RBM14: variants seen among roughly 807,000 people sequenced by gnomAD.
RBM14 encodes RNA-binding protein 14.
A neutral mutation model predicts 52.8 loss-of-function variants in RBM14; 5 were observed. The observed-to-expected ratio is 0.09, with a 90% confidence interval of 0.05 to 0.20. RBM14 has a LOEUF of 0.20. RBM14 is among the 10% of genes least tolerant of loss of function. The pLI, the probability that RBM14 is intolerant of heterozygous loss-of-function variation, is 1.00. For synonymous variants in RBM14, 411 were observed against 401.8 expected, an observed-to-expected ratio of 1.02 and a Z score of -0.28; for missense variants, 780 against 926.6, an observed-to-expected ratio of 0.84 and a Z score of 2.05.
intron 1 of RBM14, 189 bp downstream of exon 1, chr11:66,617,246 C>G: frequency 7.1e-7 from 1 of 1,399,326 alleles, no homozygotes. Flanking sequence ...AACCGTCCAC[C>G]AAGTAGGAGG....
chr11:66,624,558 G>T lies in RBM14; in HGVS notation c.682G>T (p.Ala228Ser). ...TTCACCTCCCCGAGCCTCTTATGTG[G>T]CTCCTCTGACGGCCCAGCCAGCTAC... ...RRSPPRASYVAPLTAQPATYR... is the reference protein window; with the variant it reads ...RRSPPRASYVSPLTAQPATYR... Residue 228 changes from alanine to serine, a missense_variant, in exon 2 of 3, where the codon GCT (alanine) becomes TCT (serine). Around this residue, in one of 4 missense-constraint regions of RBM14, gnomAD observed 675 missense variants for 697.3 expected, o/e 0.97. Coordinates refer to ENST00000310137, the MANE Select transcript of RBM14 (RefSeq NM_006328.4). This position sits in a 1 kb window ranked among gnomAD's most constrained non-coding sequence, Gnocchi z 4.7. 1 of 1,612,766 alleles carries T rather than the reference G, an allele frequency of 6.2e-7. No homozygotes were observed. Among genetic ancestry groups the T allele is most frequent in the Non-Finnish European group, 8.5e-7 (1 of 1,180,006 alleles).
chr11:66,616,972 C>T lies in RBM14; in HGVS notation c.252C>T (p.Gly84=). ...RPLNTWKIFV[G]NVSAACTSQE... ...TTAATACTTGGAAGATTTTCGTGGG[C>T]AATGTGTCGGCTGCATGCACGAGCC... Residue 84 remains glycine, a synonymous_variant, in exon 1 of 3, where the codon GGC becomes GGT. Transcript: ENST00000310137. 6.2e-7 allele frequency: 1 copy of T among 1,612,488 alleles called. No homozygotes were observed.
Position 66,624,803 on chromosome 11 carries a change from G to A in RBM14, c.927G>A (p.Gln309=). The change falls in exon 2 of 3, where the codon CAG becomes CAA. Residue 309 remains glutamine (Q), a synonymous_variant. Transcript: ENST00000310137. This position sits in a 1 kb window ranked among gnomAD's most constrained non-coding sequence, Gnocchi z 4.7. ...CACTCGGCCCATATGGTGGAGCCCA[G>A]CCCTCAGCCTCGGCCCTTTCCTCCT... The part of the protein sequence containing the change: ...ASSLGPYGGA[Q]PSASALSSYG... The A allele has an allele frequency of 1.2e-6, 2 of 1,614,080 alleles. No individual in the cohort carries two copies. Among genetic ancestry groups the A allele is most frequent in the Non-Finnish European group, 1.7e-6 (2 of 1,179,984 alleles).
At position 66,628,180 on chromosome 11, in the gene RBM14, AAAT is replaced by A. The variant is rs1177717327; in HGVS notation, c.*1514_*1516del. On this transcript the variant is annotated 3_prime_UTR_variant, in exon 3 of 3. Transcript: ENST00000310137. ...GCTGGGGATCGAGGATCTGGGCAAA[AAAT>A]ATGACATTTCCAACCAGGGACAAAA... 6.6e-6 allele frequency among the ~76,000 whole-genome samples: 1 copy of A among 152,084 alleles called. No individual in the cohort carries two copies. The highest frequency in any genetic ancestry group is 1.5e-5 in the Non-Finnish European group (1 of 68,020).
At position 66,625,025 on chromosome 11, in the gene RBM14, C is replaced by G. The variant is rs772129147; in HGVS notation, c.1149C>G (p.Ser383=). 8 of 1,613,696 alleles carry G rather than the reference C, an allele frequency of 5.0e-6. No homozygotes were observed. In the Admixed American group the frequency reaches 1.3e-4, roughly 27 times the overall value. ...GCTCCTACGGGGCTCAGGCAGCCTC[C>G]TATGGGGCCCAGTCTGCAGCCTCCT... ...SLGSYGAQAA[S]YGAQSAASSL... is the part of the protein sequence containing the mutation. Residue 383 remains serine, a synonymous_variant, in exon 2 of 3, where the codon TCC becomes TCG. Coordinates refer to ENST00000310137, the MANE Select transcript of RBM14 (RefSeq NM_006328.4). The surrounding 1 kb of genome is among the most constrained non-coding windows in gnomAD (Gnocchi z 4.2).
At chr11:66,622,401 T>C (rs1012549794) in intron 1 of RBM14, among the ~76,000 whole-genome samples, 1 of 151,940 alleles carries the variant, frequency 6.6e-6, no homozygotes, top group African/African-American at 2.4e-5. Flanking sequence ...ACCTAGCTAA[T>C]TTTTGTATTT....
At chr11:66,621,154 A>T (rs760822401) in intron 1 of RBM14, among the ~76,000 whole-genome samples, 7 of 151,660 alleles carry the variant, frequency 4.6e-5, no homozygotes, top group Non-Finnish European at 1.0e-4. Flanking sequence ...TACAGGAGGG[A>T]GCCACCATTC....
Position 66,625,449 on chromosome 11 carries a change from G to A in RBM14, c.1573G>A (p.Ala525Thr), listed in dbSNP as rs766244932. ...CCGCACTCAGTCATCAGCCTCATTGGCTGCTTCCTATGCTGCCCAGCAGCA... is the reference window on the plus strand; with the variant it reads ...CCGCACTCAGTCATCAGCCTCATTGACTGCTTCCTATGCTGCCCAGCAGCA... ...PYRTQSSASL[A>T]ASYAAQQHPQ... The change falls in exon 2 of 3, where the codon GCT becomes ACT. Residue 525 changes from alanine to threonine, a missense_variant. Around this residue, in one of 4 missense-constraint regions of RBM14, gnomAD observed 675 missense variants for 697.3 expected, o/e 0.97. Coordinates refer to ENST00000310137, the MANE Select transcript of RBM14 (RefSeq NM_006328.4). This position sits in a 1 kb window ranked among gnomAD's most constrained non-coding sequence, Gnocchi z 4.2. The A allele has an allele frequency of 3.6e-5, 58 of 1,613,400 alleles. No individual in the cohort carries two copies. Among genetic ancestry groups the A allele is most frequent in the Non-Finnish European group, 4.6e-5 (54 of 1,179,918 alleles).
intron 1 of RBM14, among the ~76,000 whole-genome samples, chr11:66,623,310 A>G (rs1232519297): frequency 6.6e-6 from 1 of 152,244 alleles, no homozygotes. Context: ...GAACTCAGCC[A>G]GTGGGCTTAG....
At chr11:66,623,537 C>T (rs1342112070) in intron 1 of RBM14, among the ~76,000 whole-genome samples, 1 of 152,192 alleles carries the variant, frequency 6.6e-6, no homozygotes, top group Non-Finnish European at 1.5e-5. Flanking sequence ...TGTATGTCCA[C>T]CTGTTAAATG....
chr11:66,626,473 C>T lies in RBM14; in HGVS notation c.1815C>T (p.Asp605=). The T allele has an allele frequency of 3.7e-6, 6 of 1,613,268 alleles. No individual in the cohort carries two copies. The highest frequency in any genetic ancestry group is 5.1e-6 in the Non-Finnish European group (6 of 1,179,756). Reference sequence around the variant, plus strand: ...TTCTCTCGACTAGGTATGGTTCCGACCGGCGTTTAGCCGAGCTCTCTGATT... The same window carrying T: ...TTCTCTCGACTAGGTATGGTTCCGATCGGCGTTTAGCCGAGCTCTCTGATT... The part of the protein sequence containing the change: ...AVAMSKRYGS[D]RRLAELSDYR... The change falls in exon 3 of 3, where the codon GAC becomes GAT. Residue 605 remains aspartate (D), a synonymous_variant. Transcript: ENST00000310137.
intron 1 of RBM14, among the ~76,000 whole-genome samples, chr11:66,623,746 C>G (rs1023023987): frequency 6.6e-6 from 1 of 152,164 alleles, no homozygotes; most frequent in Admixed American, 6.5e-5. Flanking sequence ...ATGGGTCATA[C>G]CAAAACGTGA....
intron 1 of RBM14, among the ~76,000 whole-genome samples, chr11:66,618,012 G>C (rs906387478): frequency 4.6e-5 from 7 of 152,156 alleles, no homozygotes; most frequent in African/African-American, 7.2e-5. Flanking sequence ...CTGATTCTCA[G>C]GGCAGATCCC....
At chr11:66,626,347 C>A in intron 2 of RBM14, 114 bp from the exon 3 acceptor site, 2 of 1,074,226 alleles carry the variant, frequency 1.9e-6, no homozygotes, top group East Asian at 2.4e-5. Flanking sequence ...AGACCAATCT[C>A]TTGGAGACCA....
Position 66,629,064 on chromosome 11 carries a change from T to G in RBM14, c.*2396T>G, listed in dbSNP as rs1017990798. On this transcript the variant is annotated 3_prime_UTR_variant, in exon 3 of 3. Transcript: ENST00000310137. ...AAAGCCAAATCATTTGTCATTTTTC[T>G]CTGGCAGATTGTTTTAAAATCTCCC... is the stretch of plus-strand genomic sequence containing the variant. Among the ~76,000 whole-genome samples the G allele has an allele frequency of 3.3e-5, 5 of 152,244 alleles. No individual in the cohort carries two copies. Among genetic ancestry groups the G allele is most frequent in the African/African-American group, 1.2e-4 (5 of 41,474 alleles).
chr11:66,621,094 C>G (rs1235206607), intron 1 of RBM14, among the ~76,000 whole-genome samples: 3 of 151,990 alleles, frequency 2.0e-5, no homozygotes, highest in Non-Finnish European at 1.5e-5. Flanking sequence ...TAGTCTTGAC[C>G]TCCTGAGCTC....
At chr11:66,623,232 A>G (rs1368112419) in intron 1 of RBM14, among the ~76,000 whole-genome samples, 1 of 152,202 alleles carries the variant, frequency 6.6e-6, no homozygotes, top group Non-Finnish European at 1.5e-5. Flanking sequence ...GGTGTAAGGT[A>G]TACCTCTGTC....
chr11:66,619,676 C>T (rs1398085123), intron 1 of RBM14, among the ~76,000 whole-genome samples: 1 of 151,982 alleles, frequency 6.6e-6, no homozygotes, highest in Non-Finnish European at 1.5e-5. Context: ...ACGCCATTCT[C>T]CTGCCTCAGC....
intron 1 of RBM14, among the ~76,000 whole-genome samples, chr11:66,618,242 G>A (rs548635805): frequency 1.1e-4 from 16 of 152,252 alleles, no homozygotes; most frequent in African/African-American, 3.9e-4. Context: ...CAGCCTGGGA[G>A]TATCTGATGC....
Sources: allele counts gnomAD v4.1 joint callset (sites outside exome capture counted in the v4.1 genomes callset), GRCh38; gene constraint gnomAD v4.1.1; regional missense constraint gnomAD v4.1.1; non-coding constraint Gnocchi (gnomAD v3.1); transcripts MANE v1.5; gene names NCBI Gene and HGNC (gene_info 2026-07-23, HGNC 2026-07-21).